WDR17: variants seen among roughly 807,000 people sequenced by gnomAD.
WDR17 encodes WD repeat-containing protein 17.
WDR17 carries 143 observed loss-of-function variants against 161.7 expected under a neutral mutation model. The ratio of observed to expected loss-of-function variants is 0.88; its 90% CI spans 0.77 to 1.02. WDR17 has a LOEUF of 1.02. Ranked by LOEUF, WDR17 falls within the 50% of genes least tolerant of loss-of-function variation. WDR17 has a pLI of 0.00. For synonymous variants in WDR17, 517 were observed against 515.6 expected, an observed-to-expected ratio of 1.00 and a Z score of -0.04; for missense variants, 1,469 against 1,520.9, an observed-to-expected ratio of 0.97 and a Z score of 0.57.
intron 1 of WDR17, among the ~76,000 whole-genome samples, chr4:176,084,778 A>AT (rs911754619): frequency 6.8e-6 from 1 of 147,104 alleles, no homozygotes; most frequent in African/African-American, 2.5e-5. Flanking sequence ...TATATTATAT[A>AT]TATATATAAA....
rs751737915 is a variant in WDR17, at chr4:176,131,659, A to G, written c.1019A>G (p.His340Arg). 2.5e-6 allele frequency: 4 copies of G among 1,613,690 alleles called. No homozygotes were observed. The African/African-American group carries it at 5.3e-5, about 22-fold the overall frequency. The change falls in exon 7 of 29, where the codon CAT becomes CGT. Residue 340 changes from histidine (H) to arginine (R), a missense_variant. Coordinates refer to ENST00000508596, the MANE Select transcript of WDR17 (RefSeq NM_181265.4). The part of the protein sequence containing the change: ...QNQAFSLPPG[H>R]AVCCFLDGGV... ...CAAGCATTTTCTCTTCCTCCTGGTCATGCAGTGTGTTGTTTCTTGGATGGT... is the reference window on the plus strand; with the variant it reads ...CAAGCATTTTCTCTTCCTCCTGGTCGTGCAGTGTGTTGTTTCTTGGATGGT...
At chr4:176,104,200 C>A (rs1042264972) in intron 1 of WDR17, among the ~76,000 whole-genome samples, 9 of 152,016 alleles carry the variant, frequency 5.9e-5, no homozygotes, top group African/African-American at 2.2e-4. Context: ...GAAATTAATA[C>A]ATTTCCCAGT....
At chr4:176,083,270 A>G (rs1579002390) in intron 1 of WDR17, among the ~76,000 whole-genome samples, 2 of 152,018 alleles carry the variant, frequency 1.3e-5, no homozygotes, top group Non-Finnish European at 2.9e-5. Context: ...ATTAAAAAGA[A>G]CTCATTGACT....
chr4:176,151,387 T>A (rs1051686956), intron 16 of WDR17, among the ~76,000 whole-genome samples: 1 of 152,136 alleles, frequency 6.6e-6, no homozygotes, highest in Non-Finnish European at 1.5e-5. Flanking sequence ...TCCCCTCCCG[T>A]GTCCCACCCC....
rs1385711045 is a variant in WDR17, at chr4:176,073,359, G to GT, written c.-7+7286dup. ...TATGAGTGAGAACATGCGGTGTTTG[G>GT]TTTTTTGTCCTTGCGATAGTTTGCT... On this transcript the variant is annotated intron_variant, in intron 1 of 28. Transcript: ENST00000508596. 9.9e-5 allele frequency among the ~76,000 whole-genome samples: 15 copies of GT among 152,060 alleles called. No individual in the cohort carries two copies. The South Asian group carries it at 2.9e-3, about 30-fold the overall frequency.
At chr4:176,089,042 T>C (rs1223474793) in intron 1 of WDR17, among the ~76,000 whole-genome samples, 1 of 152,214 alleles carries the variant, frequency 6.6e-6, no homozygotes, top group Admixed American at 6.5e-5. Flanking sequence ...TGTATCTCTA[T>C]GTGGACATGT....
chr4:176,141,400 G>A (rs1745231190), intron 10 of WDR17, among the ~76,000 whole-genome samples: 1 of 152,116 alleles, frequency 6.6e-6, no homozygotes, highest in African/African-American at 2.4e-5. Flanking sequence ...GTTTTAAAAT[G>A]TATTACACTA....
At chr4:176,092,506 T>C (rs1425209050) in intron 1 of WDR17, among the ~76,000 whole-genome samples, 1 of 152,172 alleles carries the variant, frequency 6.6e-6, no homozygotes, top group Admixed American at 6.5e-5. Flanking sequence ...ACTATTGTTA[T>C]TCAACTTAGT....
At chr4:176,140,587 T>C (rs942682915) in intron 10 of WDR17, among the ~76,000 whole-genome samples, 8 of 152,152 alleles carry the variant, frequency 5.3e-5, no homozygotes, top group Non-Finnish European at 1.2e-4. Context: ...CTTTTTAAAA[T>C]CAGATGCTCC....
intron 18 of WDR17, among the ~76,000 whole-genome samples, chr4:176,157,789 G>T (rs1425931118): frequency 6.6e-6 from 1 of 152,166 alleles, no homozygotes; most frequent in African/African-American, 2.4e-5. Flanking sequence ...TGCTTTCTAT[G>T]TTAGGTATCT....
At position 176,156,123 on chromosome 4, in the gene WDR17, C is replaced by T; in HGVS notation, c.2505C>T (p.Tyr835=). 1.2e-6 allele frequency: 2 copies of T among 1,613,504 alleles called. No homozygotes were observed. Among genetic ancestry groups the T allele is most frequent in the Non-Finnish European group, 1.7e-6 (2 of 1,179,718 alleles). The stretch of plus-strand genomic sequence containing the variant: ...TTGCACCAGGAGTCTCTGTGAAATA[C>T]TGGAAGAAGTTAATGCAGAGGTAAG... ...LSIAPGVSVK[Y]WKKLMQRRAD... The change falls in exon 18 of 29, where the codon TAC becomes TAT. Residue 835 remains tyrosine, a synonymous_variant. Transcript: ENST00000508596.
At chr4:176,114,915 G>A (rs539013112) in intron 2 of WDR17, among the ~76,000 whole-genome samples, 3 of 151,608 alleles carry the variant, frequency 2.0e-5, no homozygotes, top group East Asian at 2.0e-4. Flanking sequence ...GGAGGTGATC[G>A]GCTGTAATAG....
At position 176,161,103 on chromosome 4, in the gene WDR17, C is replaced by T. The variant is rs1398939140; in HGVS notation, c.2750+101C>T. 12 of 850,700 alleles carry T rather than the reference C, an allele frequency of 1.4e-5. No homozygotes were observed. The East Asian group carries it at 3.4e-4, about 24-fold the overall frequency. The allele number at this position is 850,700 out of a possible 1,614,324, so 52.7% of individuals were successfully genotyped here. A position where few individuals can be genotyped will look rare whatever the true frequency, so the allele number is the denominator to read the frequency against. ...TTCATCCTTCTTTGTATACTGATGA[C>T]TTGACTGCCTCAACCGCATTCCTCA... is the stretch of plus-strand genomic sequence containing the variant. On this transcript the variant is annotated intron_variant, in intron 20 of 28. Coordinates refer to ENST00000508596, the MANE Select transcript of WDR17 (RefSeq NM_181265.4).
At chr4:176,156,220 G>A (rs575345100) in intron 18 of WDR17, 77 bp downstream of exon 18, 26 of 1,372,110 alleles carry the variant, frequency 1.9e-5, no homozygotes, top group Non-Finnish European at 2.5e-5. Flanking sequence ...AAATATGGCA[G>A]TAGCTCTTGA....
intron 12 of WDR17, among the ~76,000 whole-genome samples, chr4:176,147,857 A>G (rs750565252): frequency 6.6e-6 from 1 of 152,176 alleles, no homozygotes; most frequent in Non-Finnish European, 1.5e-5. Context: ...CTAGTTAAAT[A>G]TTCATTTCCA....
chr4:176,155,996 C>A, intron 17 of WDR17, 83 bp from the exon 18 acceptor site: 1 of 1,210,056 alleles, frequency 8.3e-7, no homozygotes, highest in Non-Finnish European at 1.2e-6. Context: ...ATTATAAATA[C>A]CAATCTATTT....
At chr4:176,079,136 C>T (rs567303986) in intron 1 of WDR17, among the ~76,000 whole-genome samples, 1 of 152,250 alleles carries the variant, frequency 6.6e-6, no homozygotes, top group South Asian at 2.1e-4. Context: ...ATTTACCTTT[C>T]TGTTCTTGGC....
chr4:176,161,579 A>G (rs1419185906), intron 20 of WDR17, among the ~76,000 whole-genome samples: 6 of 152,112 alleles, frequency 3.9e-5, no homozygotes, highest in Non-Finnish European at 1.5e-5. Flanking sequence ...AGGATATTTA[A>G]ACTTTTAAGA....
chr4:176,130,295 T>C (rs1214738834), intron 6 of WDR17, among the ~76,000 whole-genome samples: 1 of 140,438 alleles, frequency 7.1e-6, no homozygotes, highest in Non-Finnish European at 1.6e-5. Context: ...AAACAAAATA[T>C]CAACGAAATT....
Sources: gnomAD v4.1 joint callset for allele counts (sites outside exome capture counted in the v4.1 genomes callset) on GRCh38, gnomAD v4.1.1 for gene constraint, MANE v1.5 for transcripts, NCBI Gene and HGNC (gene_info 2026-07-23, HGNC 2026-07-21) for gene names.